Variants in ANKRD55 observed in about 807,000 individuals in gnomAD.
ANKRD55 encodes the protein ankyrin repeat domain 55, also known as ankyrin repeat domain-containing protein 55.
ANKRD55 carries 41 observed loss-of-function variants against 60.6 expected under a neutral mutation model. The observed-to-expected ratio is 0.68, with a 90% CI of 0.53 to 0.88. The LOEUF (loss-of-function observed/expected upper bound fraction) is 0.88, where lower values mean the gene tolerates loss of function less well. ANKRD55 is among the 40% of genes least tolerant of loss of function. The pLI is 0.00. For missense variants in ANKRD55, 732 were observed against 767.6 expected (o/e 0.95, Z 0.55); for synonymous variants, 264 against 290.3 (o/e 0.91, Z 0.92).
chr5:56,165,659 G>C (rs907612995), intron 5 of ANKRD55, among the ~76,000 whole-genome samples: 1 of 152,146 alleles, frequency 6.6e-6, no homozygotes. Context: ...GCCAGGTGTG[G>C]TGGCTCACTC....
chr5:56,198,773 T>A (rs1016631483), intron 2 of ANKRD55, among the ~76,000 whole-genome samples: 1 of 151,974 alleles, frequency 6.6e-6, no homozygotes, highest in African/African-American at 2.4e-5. Context: ...GTTACCTCTG[T>A]TGATTTAAAA....
At chr5:56,173,999 A>G (rs1013151544) in intron 4 of ANKRD55, among the ~76,000 whole-genome samples, 1 of 152,048 alleles carries the variant, frequency 6.6e-6, no homozygotes, top group Non-Finnish European at 1.5e-5. Flanking sequence ...GGAGGGAGGG[A>G]TAAGCTTCAC....
At chr5:56,232,219 T>C (rs1260029401) in intron 2 of ANKRD55, among the ~76,000 whole-genome samples, 2 of 152,246 alleles carry the variant, frequency 1.3e-5, no homozygotes, top group African/African-American at 4.8e-5. Flanking sequence ...TAAGGATAAG[T>C]TGATCTCACA....
intron 2 of ANKRD55, among the ~76,000 whole-genome samples, chr5:56,194,158 A>G (rs866893426): frequency 3.3e-5 from 5 of 152,044 alleles, no homozygotes; most frequent in African/African-American, 1.2e-4. Context: ...TCCACTAAAA[A>G]TACAAAAATT....
chr5:56,143,735 C>T, intron 7 of ANKRD55, 66 bp downstream of exon 7: 1 of 1,599,146 alleles, frequency 6.3e-7, no homozygotes, highest in Non-Finnish European at 8.6e-7. Flanking sequence ...TTGACCTACT[C>T]AGAAAATTGT....
Position 56,219,360 on chromosome 5 carries a change from C to T in ANKRD55, c.58+13496G>A, listed in dbSNP as rs536410302. Among the ~76,000 whole-genome samples, 6 of 151,842 alleles carry T rather than the reference C, an allele frequency of 4.0e-5. No individual in the cohort carries two copies. In the South Asian group the frequency reaches 1.0e-3, roughly 26 times the overall value. On this transcript the variant is annotated intron_variant, in intron 2 of 11. Coordinates refer to ENST00000341048, the MANE Select transcript of ANKRD55 (RefSeq NM_024669.3). ...ATGTATCTTAAGTTCTGAGAGCACA[C>T]TTAGAAATGGAAGTACTTTCCACGT...
intron 2 of ANKRD55, among the ~76,000 whole-genome samples, chr5:56,219,273 C>CAAAAAA (rs35909700): frequency 4.1e-5 from 4 of 97,002 alleles, no homozygotes; most frequent in Non-Finnish European, 6.5e-5. Context: ...ACTCTGCCTC[C>CAAAAAA]AAAAAAAAAA....
chr5:56,138,127 C>CTTTTTTT (rs70995774), intron 7 of ANKRD55, among the ~76,000 whole-genome samples: 30 of 129,808 alleles, frequency 2.3e-4, no homozygotes, highest in Non-Finnish European at 2.9e-4. Flanking sequence ...GTTTCTTTTT[C>CTTTTTTT]TTTTTTTTTT....
rs1561277854 is a variant in ANKRD55, at chr5:56,166,153, T to TTC, written c.422+4540_422+4541insGA. 8.1e-5 allele frequency among the ~76,000 whole-genome samples: 4 copies of TTC among 49,504 alleles called. 1 individual carries two copies. Among genetic ancestry groups the TTC allele is most frequent in the Non-Finnish European group, 1.2e-4 (3 of 24,216 alleles). 32.5% of individuals were successfully genotyped at this position (49,504 alleles called of 152,430 possible). ...TTCTTTCTTTCTTTCTTTCTTTCTT[T>TTC]CTTCTTTCCTTCCTTCCTTCCTTCC... On this transcript the variant is annotated intron_variant, in intron 5 of 11. Coordinates refer to ENST00000341048, the MANE Select transcript of ANKRD55 (RefSeq NM_024669.3).
At chr5:56,193,950 C>A (rs576974048) in intron 2 of ANKRD55, among the ~76,000 whole-genome samples, 8 of 152,224 alleles carry the variant, frequency 5.3e-5, no homozygotes, top group African/African-American at 1.9e-4. Context: ...GTATTATTGT[C>A]ACTGAGAAAC....
intron 6 of ANKRD55, among the ~76,000 whole-genome samples, chr5:56,149,372 A>G (rs1433839308): frequency 6.6e-6 from 1 of 152,184 alleles, no homozygotes; most frequent in Non-Finnish European, 1.5e-5. Flanking sequence ...TATGTCTGAC[A>G]TTTTTAAAAA....
At chr5:56,147,469 G>A (rs376433548) in intron 6 of ANKRD55, among the ~76,000 whole-genome samples, 1 of 152,126 alleles carries the variant, frequency 6.6e-6, no homozygotes, top group Non-Finnish European at 1.5e-5. Flanking sequence ...ATTTGGCATT[G>A]CCTCAAGGGT....
intron 2 of ANKRD55, among the ~76,000 whole-genome samples, chr5:56,220,752 G>T (rs1759939625): frequency 6.6e-6 from 1 of 152,148 alleles, no homozygotes; most frequent in South Asian, 2.1e-4. Flanking sequence ...GGCAGAGGTT[G>T]CAGTGAGCCA....
chr5:56,131,795 CAAAAAAAAAAAAA>C (rs34898025), intron 7 of ANKRD55, among the ~76,000 whole-genome samples: 3 of 26,788 alleles, frequency 1.1e-4, no homozygotes, highest in African/African-American at 1.4e-4. Flanking sequence ...GACTCCGTCT[CAAAAAAAAAAAAA>C]AAAAAAAAAA....
chr5:56,111,439 G>A lies in ANKRD55; in HGVS notation c.1309C>T (p.Leu437Phe), dbSNP rs747188125. 3.1e-6 allele frequency: 5 copies of A among 1,614,180 alleles called. No homozygotes were observed. Among genetic ancestry groups the A allele is most frequent in the Non-Finnish European group, 4.2e-6 (5 of 1,180,036 alleles). Residue 437 changes from leucine (L) to phenylalanine (F), a missense_variant, in exon 10 of 12, where the codon CTC becomes TTC. Leu to Phe is a conservative substitution (Grantham distance 22, BLOSUM62 0). Transcript: ENST00000341048. The stretch of plus-strand genomic sequence containing the variant: ...TTATTGCCCAGGGTGATGGGTGGGA[G>A]ACTCTGCGTTCTGATTGGTGGAAGC... The part of the protein sequence containing the change: ...KGLPPIRTQS[L>F]PPITLGNNFL...
chr5:56,183,396 G>T, intron 3 of ANKRD55, 116 bp downstream of exon 3: 1 of 1,343,086 alleles, frequency 7.4e-7, no homozygotes. Context: ...CTGCACATAG[G>T]CACAGTATCA....
chr5:56,214,694 G>A (rs1414085177), intron 2 of ANKRD55, among the ~76,000 whole-genome samples: 3 of 140,660 alleles, frequency 2.1e-5, no homozygotes, highest in Admixed American at 6.9e-5. Context: ...CAGTGAAGGT[G>A]CTGGGTTATA....
intron 7 of ANKRD55, among the ~76,000 whole-genome samples, chr5:56,134,528 G>A (rs1267144661): frequency 1.6e-5 from 2 of 129,010 alleles, no homozygotes; most frequent in South Asian, 2.5e-4. Context: ...GCAGTGAGCC[G>A]AGATCGTGTC....
At chr5:56,114,887 C>G (rs530295014) in intron 9 of ANKRD55, among the ~76,000 whole-genome samples, 1 of 152,080 alleles carries the variant, frequency 6.6e-6, no homozygotes, top group African/African-American at 2.4e-5. Context: ...ATACATCAAT[C>G]AAAACATGAT....
Sources: gnomAD v4.1 joint callset for allele counts (sites outside exome capture counted in the v4.1 genomes callset) on GRCh38, gnomAD v4.1.1 for gene constraint, MANE v1.5 for transcripts, NCBI Gene and HGNC (gene_info 2026-07-23, HGNC 2026-07-21) for gene names.